Variants in RBFOX1 observed in about 807,000 individuals in gnomAD.
RBFOX1 encodes the protein RNA binding fox-1 homolog 1, also known as RNA binding protein fox-1 homolog 1.
In RBFOX1, 8 loss-of-function variants were observed where a neutral mutation model predicts 57.7. That is an observed-to-expected ratio of 0.14 (90% confidence interval 0.08 to 0.25). RBFOX1 has a LOEUF of 0.25. RBFOX1 is among the 10% of genes least tolerant of loss of function. RBFOX1 has a pLI of 1.00. For missense variants in RBFOX1, 611 were observed against 548.5 expected, an observed-to-expected ratio of 1.11 and a Z score of -1.14; for synonymous variants, 326 against 222.4, an observed-to-expected ratio of 1.47 and a Z score of -4.15.
chr16:6,137,646 C>G (rs12919571), intron 1 of RBFOX1, among the ~76,000 whole-genome samples: 8,870 of 128,404 alleles, frequency 0.069, 354 homozygotes, highest in Middle Eastern at 0.12. Context: ...CAGGGTCTGA[C>G]TCTGTTGCCC....
At chr16:5,729,701 G>A (rs755781081) in intron 3 of RBFOX1, among the ~76,000 whole-genome samples, 12 of 152,222 alleles carry the variant, frequency 7.9e-5, no homozygotes, top group Admixed American at 2.0e-4. Flanking sequence ...TAGGGCTGTC[G>A]GAAAGGCACT....
intron 2 of RBFOX1, among the ~76,000 whole-genome samples, chr16:6,362,336 C>T (rs1213658799): frequency 6.6e-6 from 1 of 152,104 alleles, no homozygotes; most frequent in Non-Finnish European, 1.5e-5. Flanking sequence ...TAACCAAAGG[C>T]AAACATCTTA....
At chr16:6,668,000 G>A (rs1425591820) in intron 3 of RBFOX1, among the ~76,000 whole-genome samples, 1 of 152,138 alleles carries the variant, frequency 6.6e-6, no homozygotes, top group Non-Finnish European at 1.5e-5. Context: ...GATTCCTAGT[G>A]AGATCAGAGA....
chr16:6,971,539 A>G (rs11077119), intron 3 of RBFOX1, among the ~76,000 whole-genome samples: 121,619 of 151,846 alleles, frequency 0.8, 49,183 homozygotes, highest in African/African-American at 0.92. Context: ...CCACTGGAGA[A>G]TTTTGAGCAA....
At chr16:6,865,117 C>T (rs920363665) in intron 3 of RBFOX1, among the ~76,000 whole-genome samples, 2 of 150,728 alleles carry the variant, frequency 1.3e-5, no homozygotes, top group African/African-American at 2.5e-5. Context: ...ATTCTCCACC[C>T]TTAGCCTCCC....
intron 3 of RBFOX1, among the ~76,000 whole-genome samples, chr16:5,613,555 T>G (rs1159536387): frequency 6.6e-6 from 1 of 152,188 alleles, no homozygotes; most frequent in Non-Finnish European, 1.5e-5. Flanking sequence ...GAAATTTTCC[T>G]TTCTCATTAT....
chr16:7,170,425 C>G (rs1270472112), intron 4 of RBFOX1, among the ~76,000 whole-genome samples: 1 of 152,012 alleles, frequency 6.6e-6, no homozygotes, highest in Non-Finnish European at 1.5e-5. Flanking sequence ...GCACAGGTCA[C>G]CACACCCAGC....
At chr16:7,098,540 A>G (rs896566166) in intron 4 of RBFOX1, among the ~76,000 whole-genome samples, 1 of 152,232 alleles carries the variant, frequency 6.6e-6, no homozygotes, top group African/African-American at 2.4e-5. Flanking sequence ...CTTTATTGAA[A>G]TGTAACACAC....
intron 4 of RBFOX1, among the ~76,000 whole-genome samples, chr16:5,998,277 G>T (rs934840626): frequency 2.0e-5 from 3 of 152,164 alleles, no homozygotes; most frequent in African/African-American, 7.2e-5. Flanking sequence ...GATAGTCTCT[G>T]ATATTCTCAA....
chr16:6,542,511 C>T (rs1315994807), intron 2 of RBFOX1, among the ~76,000 whole-genome samples: 1 of 17,300 alleles, frequency 5.8e-5, no homozygotes, highest in African/African-American at 2.2e-4. Context: ...TTTTTTTGAG[C>T]AGGAGTCTTG....
At chr16:5,362,401 T>C (rs983658075) in intron 1 of RBFOX1, among the ~76,000 whole-genome samples, 1 of 152,196 alleles carries the variant, frequency 6.6e-6, no homozygotes, top group African/African-American at 2.4e-5. Flanking sequence ...TCGCTCTTGT[T>C]GCCCAGGCTG....
At chr16:7,523,493 C>T (rs1421427900) in intron 5 of RBFOX1, among the ~76,000 whole-genome samples, 2 of 152,152 alleles carry the variant, frequency 1.3e-5, no homozygotes, top group African/African-American at 4.8e-5. Context: ...TTAGATAATT[C>T]CTAGAGTATT....
intron 3 of RBFOX1, among the ~76,000 whole-genome samples, chr16:7,034,795 T>A (rs1196714593): frequency 6.8e-6 from 1 of 147,704 alleles, no homozygotes; most frequent in Non-Finnish European, 1.5e-5. Context: ...CTAATTCACT[T>A]GGTCTGGGGT....
chr16:5,953,453 C>T (rs180833222), intron 4 of RBFOX1, among the ~76,000 whole-genome samples: 121 of 152,058 alleles, frequency 8.0e-4, no homozygotes, highest in Non-Finnish European at 1.4e-3. Context: ...GAGCACTGTA[C>T]GCTGCACCCA....
At chr16:6,001,354 C>T (rs1010730516) in intron 4 of RBFOX1, among the ~76,000 whole-genome samples, 1 of 152,114 alleles carries the variant, frequency 6.6e-6, no homozygotes, top group African/African-American at 2.4e-5. Context: ...GTCTTTATTG[C>T]CAGTAAAGAA....
intron 4 of RBFOX1, among the ~76,000 whole-genome samples, chr16:5,904,752 C>T (rs1473299398): frequency 2.6e-5 from 4 of 151,762 alleles, no homozygotes; most frequent in African/African-American, 9.7e-5. Flanking sequence ...CTGAGGTGGG[C>T]AGATCACGAG....
At chr16:6,879,703 A>G (rs577337810) in intron 3 of RBFOX1, among the ~76,000 whole-genome samples, 35 of 152,308 alleles carry the variant, frequency 2.3e-4, no homozygotes, top group African/African-American at 8.4e-4. Context: ...TAATTGTAAT[A>G]TTCTTTTCTG....
intron 4 of RBFOX1, among the ~76,000 whole-genome samples, chr16:5,906,896 G>A (rs2058472380): frequency 6.6e-6 from 1 of 151,672 alleles, no homozygotes; most frequent in Non-Finnish European, 1.5e-5. Flanking sequence ...CACCATGCCT[G>A]GCTCATTTTT....
intron 4 of RBFOX1, among the ~76,000 whole-genome samples, chr16:5,966,585 G>A (rs1233655909): frequency 6.6e-6 from 1 of 152,164 alleles, no homozygotes; most frequent in Non-Finnish European, 1.5e-5. Flanking sequence ...CTCCCAAGTA[G>A]CTGGGATTAC....
Sources: gnomAD v4.1 joint callset for allele counts (sites outside exome capture counted in the v4.1 genomes callset) on GRCh38, gnomAD v4.1.1 for gene constraint, MANE v1.5 for transcripts, NCBI Gene and HGNC (gene_info 2026-07-23, HGNC 2026-07-21) for gene names.